Variants in THEMIS observed in about 807,000 individuals in gnomAD.
THEMIS encodes the protein thymocyte selection associated.
A neutral mutation model predicts 52.6 loss-of-function variants in THEMIS; 37 were observed. That is an observed-to-expected ratio of 0.70 (90% CI 0.54 to 0.93). The LOEUF is 0.93. THEMIS is among the 40% of genes least tolerant of loss of function. The probability of loss-of-function intolerance (pLI) is 0.00; values close to 1 mark genes in which losing one functional copy is unlikely to be tolerated. For synonymous variants in THEMIS, 292 were observed against 272.7 expected, an observed-to-expected ratio of 1.07 and a Z score of -0.70; for missense variants, 808 against 763.1, an observed-to-expected ratio of 1.06 and a Z score of -0.69.
intron 1 of THEMIS, among the ~76,000 whole-genome samples, chr6:127,870,722 T>A (rs542748208): frequency 1.3e-5 from 2 of 151,896 alleles, no homozygotes; most frequent in African/African-American, 4.8e-5. Flanking sequence ...TTAGAGCAAA[T>A]GAAATTACTA....
chr6:127,737,773 T>C (rs1365876794), intron 4 of THEMIS, among the ~76,000 whole-genome samples: 1 of 152,240 alleles, frequency 6.6e-6, no homozygotes, highest in Non-Finnish European at 1.5e-5. Flanking sequence ...CCCTCTTTAC[T>C]ACTAGAGAGA....
intron 4 of THEMIS, among the ~76,000 whole-genome samples, chr6:127,772,620 G>A (rs1046823296): frequency 6.6e-6 from 1 of 152,058 alleles, no homozygotes; most frequent in African/African-American, 2.4e-5. Context: ...TTTTTGTACA[G>A]TCAGAAGCAC....
chr6:127,844,808 A>G (rs1166995974), intron 2 of THEMIS, among the ~76,000 whole-genome samples: 2 of 151,922 alleles, frequency 1.3e-5, no homozygotes, highest in Non-Finnish European at 2.9e-5. Context: ...CGAATAGGAT[A>G]TATTTTTGTT....
intron 4 of THEMIS, among the ~76,000 whole-genome samples, chr6:127,772,793 G>A (rs1326525274): frequency 6.6e-6 from 1 of 152,108 alleles, no homozygotes; most frequent in Non-Finnish European, 1.5e-5. Flanking sequence ...AGAAAAGTCT[G>A]AAAATGTAAG....
At chr6:127,729,443 T>C (rs570214379) in intron 4 of THEMIS, among the ~76,000 whole-genome samples, 1 of 152,284 alleles carries the variant, frequency 6.6e-6, no homozygotes, top group African/African-American at 2.4e-5. Flanking sequence ...CATTTTAGAA[T>C]GTTACTCAAC....
intron 1 of THEMIS, 110 bp from the exon 2 acceptor site, chr6:127,855,298 C>T (rs1359630509): frequency 2.3e-6 from 2 of 874,878 alleles, no homozygotes; most frequent in South Asian, 2.2e-5. Flanking sequence ...CTCTTAGCTA[C>T]CTGCTAAACA....
intron 4 of THEMIS, among the ~76,000 whole-genome samples, chr6:127,744,379 C>T (rs1192668243): frequency 6.6e-6 from 1 of 152,000 alleles, no homozygotes; most frequent in Non-Finnish European, 1.5e-5. Context: ...TCTGCACTTC[C>T]ATGTTCATTG....
chr6:127,710,700 A>G (rs932002177), intron 5 of THEMIS, among the ~76,000 whole-genome samples: 5 of 151,996 alleles, frequency 3.3e-5, no homozygotes, highest in Non-Finnish European at 5.9e-5. Context: ...TTCAGGCAAG[A>G]CACTTTATTC....
At chr6:127,824,058 C>T (rs954746488) in intron 3 of THEMIS, among the ~76,000 whole-genome samples, 1 of 152,072 alleles carries the variant, frequency 6.6e-6, no homozygotes, top group Non-Finnish European at 1.5e-5. Flanking sequence ...CCCTGGAAAG[C>T]AAGGTGAAGC....
At chr6:127,768,807 A>G (rs779981758) in intron 4 of THEMIS, among the ~76,000 whole-genome samples, 13 of 152,216 alleles carry the variant, frequency 8.5e-5, no homozygotes, top group Non-Finnish European at 1.6e-4. Context: ...TGATGTATGC[A>G]AAAGTATCAC....
At chr6:127,869,740 GA>G (rs1365937405) in intron 1 of THEMIS, among the ~76,000 whole-genome samples, 5 of 152,120 alleles carry the variant, frequency 3.3e-5, no homozygotes, top group Non-Finnish European at 7.4e-5. Context: ...CACAGACCAA[GA>G]AAACCCTCAA....
At chr6:127,786,196 G>C (rs1776942610) in intron 4 of THEMIS, among the ~76,000 whole-genome samples, 1 of 152,062 alleles carries the variant, frequency 6.6e-6, no homozygotes, top group South Asian at 2.1e-4. Flanking sequence ...ATTTTTCTCA[G>C]GTAACAGAAA....
chr6:127,814,005 CATAA>C (rs1778040856), intron 3 of THEMIS, 74 bp from the exon 4 acceptor site: 4 of 1,206,710 alleles, frequency 3.3e-6, no homozygotes, highest in South Asian at 3.6e-5. Flanking sequence ...CTCCTGATGC[CATAA>C]ATAAATTTCT....
intron 4 of THEMIS, among the ~76,000 whole-genome samples, chr6:127,740,290 G>A (rs1001047588): frequency 3.7e-4 from 57 of 152,246 alleles, no homozygotes; most frequent in Middle Eastern, 3.4e-3. Flanking sequence ...AGCCCATGAA[G>A]CAGGACTCAA....
chr6:127,812,682 A>G (rs531820701), intron 4 of THEMIS, among the ~76,000 whole-genome samples: 1 of 152,276 alleles, frequency 6.6e-6, no homozygotes, highest in South Asian at 2.1e-4. Context: ...TCAATATTAA[A>G]CTTCATGCCA....
At chr6:127,827,513 C>T (rs1416766867) in intron 3 of THEMIS, among the ~76,000 whole-genome samples, 1 of 152,144 alleles carries the variant, frequency 6.6e-6, no homozygotes, top group Non-Finnish European at 1.5e-5. Context: ...ATTATTTCAA[C>T]CAAGGGCTTT....
chr6:127,732,270 AT>A (rs1774839912), intron 4 of THEMIS, among the ~76,000 whole-genome samples: 1 of 151,900 alleles, frequency 6.6e-6, no homozygotes, highest in Non-Finnish European at 1.5e-5. Flanking sequence ...AGGATTTCAA[AT>A]TTTTGCCTTA....
Position 127,831,147 on chromosome 6 carries a change from A to G in THEMIS, c.251-1213T>C, listed in dbSNP as rs905320688. Among the ~76,000 whole-genome samples the G allele has an allele frequency of 3.5e-4, 53 of 152,080 alleles. 2 individuals carry two copies. The highest frequency in any genetic ancestry group is 2.9e-5 in the Non-Finnish European group (2 of 68,002). ...AAAACTGCACTATTTTTACTATTTC[A>G]TTGATATCTATTTCACTAATTTCAG... On this transcript the variant is annotated intron_variant, in intron 2 of 5. Transcript: ENST00000368248.
rs767384355 is a variant in THEMIS, at chr6:127,813,538, A to G, written c.1103T>C (p.Val368Ala). The change falls in exon 4 of 6, where the codon GTG (valine) becomes GCG (alanine). Residue 368 changes from valine to alanine, a missense_variant. Transcript: ENST00000368248. ...AKSEKEPLHVVATKAFHSPHD... is the reference protein window; with the variant it reads ...AKSEKEPLHVAATKAFHSPHD... Reference sequence around the variant, plus strand: ...AGGGGAATGAAACGCTTTGGTGGCCACCACGTGAAGAGGCTCCTTTTCACT... The same window carrying G: ...AGGGGAATGAAACGCTTTGGTGGCCGCCACGTGAAGAGGCTCCTTTTCACT... 23 of 1,613,324 alleles carry G rather than the reference A, an allele frequency of 1.4e-5. No individual in the cohort carries two copies. Among genetic ancestry groups the G allele is most frequent in the Non-Finnish European group, 1.7e-5 (20 of 1,179,740 alleles).
Sources: allele counts gnomAD v4.1 joint callset (sites outside exome capture counted in the v4.1 genomes callset), GRCh38; gene constraint gnomAD v4.1.1; transcripts MANE v1.5; gene names NCBI Gene and HGNC (gene_info 2026-07-23, HGNC 2026-07-21).